ATP8A2: variants seen among roughly 807,000 people sequenced by gnomAD.
The protein encoded by ATP8A2 is ATPase phospholipid transporting 8A2, also known as phospholipid-transporting ATPase IB.
A neutral mutation model predicts 165.6 loss-of-function variants in ATP8A2; 100 were observed. That is an observed-to-expected ratio of 0.60 (90% CI 0.51 to 0.71). The LOEUF is 0.71. Among genes scored for constraint, ATP8A2 ranks in the 30% least tolerant of loss-of-function variants. ATP8A2 has a pLI of 0.00. For missense variants in ATP8A2, 1,227 were observed against 1,479.5 expected (o/e 0.83, Z 2.80); for synonymous variants, 543 against 548.8 (o/e 0.99, Z 0.15).
At chr13:25,567,949 T>C (rs562921827) in intron 16 of ATP8A2, among the ~76,000 whole-genome samples, 1 of 152,358 alleles carries the variant, frequency 6.6e-6, no homozygotes, top group Non-Finnish European at 1.5e-5. Context: ...GAAGAAGTAT[T>C]TGAGGATTTG....
intron 2 of ATP8A2, among the ~76,000 whole-genome samples, chr13:25,475,769 TAGTG>T (rs1427168110): frequency 4.6e-5 from 7 of 152,226 alleles, no homozygotes; most frequent in Admixed American, 2.6e-4. Context: ...TGATCGGTGA[TAGTG>T]AGCATTTTTT....
At chr13:25,544,910 G>GTTT (rs5802339) in intron 10 of ATP8A2, among the ~76,000 whole-genome samples, 65 of 136,134 alleles carry the variant, frequency 4.8e-4, no homozygotes, top group Non-Finnish European at 6.1e-4. Flanking sequence ...TTATGAGTGA[G>GTTT]TTTTTTTTTT....
chr13:25,654,901 A>G (rs942415360), intron 24 of ATP8A2, among the ~76,000 whole-genome samples: 1 of 152,176 alleles, frequency 6.6e-6, no homozygotes, highest in Admixed American at 6.5e-5. Context: ...ATCTGTTGGC[A>G]TTCAACTGTT....
chr13:25,619,978 A>G (rs1005723850), intron 24 of ATP8A2, among the ~76,000 whole-genome samples: 7 of 152,206 alleles, frequency 4.6e-5, no homozygotes, highest in African/African-American at 1.7e-4. Context: ...GAAAACCCAG[A>G]AGGGCAGTTG....
chr13:25,431,300 C>T lies in ATP8A2; in HGVS notation c.77-37677C>T, dbSNP rs375703252. ...AGTAGCTGGGATTAGAGGCATGCGCCACGATGCCTGGCTAATTTTATATTT... is the reference window on the plus strand; with the variant it reads ...AGTAGCTGGGATTAGAGGCATGCGCTACGATGCCTGGCTAATTTTATATTT... On this transcript the variant is annotated intron_variant, in intron 1 of 36. Coordinates refer to ENST00000381655, the MANE Select transcript of ATP8A2 (RefSeq NM_016529.6). Among the ~76,000 whole-genome samples, 8 of 152,216 alleles carry T rather than the reference C, an allele frequency of 5.3e-5. No individual in the cohort carries two copies. In the East Asian group the frequency reaches 5.8e-4, roughly 11 times the overall value.
chr13:25,383,139 G>C (rs1211691101), intron 1 of ATP8A2, among the ~76,000 whole-genome samples: 1 of 151,256 alleles, frequency 6.6e-6, no homozygotes, highest in Non-Finnish European at 1.5e-5. Context: ...TCCTCCTCCC[G>C]GGTTCAAGAG....
intron 33 of ATP8A2, among the ~76,000 whole-genome samples, chr13:25,928,056 T>C (rs1286920560): frequency 2.6e-5 from 4 of 152,216 alleles, no homozygotes; most frequent in Non-Finnish European, 5.9e-5. Flanking sequence ...TGAATGGAAA[T>C]GTTATGGTTT....
chr13:25,827,355 G>T (rs1034837964), intron 27 of ATP8A2, among the ~76,000 whole-genome samples: 1 of 152,190 alleles, frequency 6.6e-6, no homozygotes, highest in Non-Finnish European at 1.5e-5. Flanking sequence ...CAGGTGATCC[G>T]CCAACCTCGG....
chr13:25,663,686 C>G (rs751337479), intron 24 of ATP8A2, among the ~76,000 whole-genome samples: 5 of 152,176 alleles, frequency 3.3e-5, no homozygotes, highest in Non-Finnish European at 7.3e-5. Context: ...AATCTTCGAC[C>G]TGATTACTGT....
intron 33 of ATP8A2, among the ~76,000 whole-genome samples, chr13:25,876,118 A>T (rs1952813979): frequency 6.6e-6 from 1 of 152,160 alleles, no homozygotes; most frequent in African/African-American, 2.4e-5. Flanking sequence ...CCTCCAATAA[A>T]TCTGGGATGA....
chr13:25,876,080 A>G (rs1952813212), intron 33 of ATP8A2, among the ~76,000 whole-genome samples: 1 of 152,172 alleles, frequency 6.6e-6, no homozygotes, highest in Admixed American at 6.5e-5. Context: ...TTTGGTTGAG[A>G]AAAATGTGAC....
intron 12 of ATP8A2, 27 bp downstream of exon 12, chr13:25,553,947 C>G: frequency 6.3e-7 from 1 of 1,597,164 alleles, no homozygotes; most frequent in Non-Finnish European, 8.5e-7. Context: ...AGTTGAATCA[C>G]TATTTTCCAA....
intron 26 of ATP8A2, among the ~76,000 whole-genome samples, chr13:25,773,691 T>C (rs2044676681): frequency 6.6e-6 from 1 of 152,028 alleles, no homozygotes; most frequent in Admixed American, 6.6e-5. Flanking sequence ...GGAGGCAAAG[T>C]GTGTGTGTGT....
At chr13:25,937,268 C>T (rs1410183962) in intron 33 of ATP8A2, among the ~76,000 whole-genome samples, 2 of 151,432 alleles carry the variant, frequency 1.3e-5, no homozygotes, top group Non-Finnish European at 2.9e-5. Flanking sequence ...AGTAAATATT[C>T]TGTGAACCAA....
At chr13:25,829,882 A>G (rs1026404491) in intron 28 of ATP8A2, among the ~76,000 whole-genome samples, 15 of 151,130 alleles carry the variant, frequency 9.9e-5, no homozygotes, top group Admixed American at 6.6e-4. Context: ...GCTAGAGGGC[A>G]GTGTTGGTCA....
chr13:25,731,381 G>A lies in ATP8A2; in HGVS notation c.2384+32036G>A, dbSNP rs184045289. On this transcript the variant is annotated intron_variant, in intron 25 of 36. Coordinates refer to ENST00000381655, the MANE Select transcript of ATP8A2 (RefSeq NM_016529.6). ...AGAGAGAGAGGAAGGAAGGAAGAGG[G>A]AGGAAGAAAAAGGAAGAAAGAGAAA... Among the ~76,000 whole-genome samples, 1,471 of 150,840 alleles carry A rather than the reference G, an allele frequency of 9.8e-3. 23 individuals carry two copies. Among genetic ancestry groups the A allele is most frequent in the Middle Eastern group, 0.031 (9 of 294 alleles).
At chr13:25,413,932 C>T (rs4769420) in intron 1 of ATP8A2, among the ~76,000 whole-genome samples, 88,190 of 151,742 alleles carry the variant, frequency 0.58, 25,822 homozygotes, top group East Asian at 0.62. Context: ...TGAAAATCTT[C>T]AATAGTTGGT....
At chr13:25,977,086 G>A (rs1956065385) in intron 35 of ATP8A2, among the ~76,000 whole-genome samples, 1 of 141,324 alleles carries the variant, frequency 7.1e-6, no homozygotes, top group African/African-American at 2.7e-5. Context: ...AGGATTACAG[G>A]CATGAACCAC....
intron 1 of ATP8A2, among the ~76,000 whole-genome samples, chr13:25,425,880 T>C (rs2034437617): frequency 6.6e-6 from 1 of 152,186 alleles, no homozygotes; most frequent in African/African-American, 2.4e-5. Context: ...CCGGCCAGAT[T>C]GGCTTCTTTC....
Sources: gnomAD v4.1 joint callset for allele counts (sites outside exome capture counted in the v4.1 genomes callset) on GRCh38, gnomAD v4.1.1 for gene constraint, MANE v1.5 for transcripts, NCBI Gene and HGNC (gene_info 2026-07-23, HGNC 2026-07-21) for gene names.